Variants in TRMT2A observed in about 807,000 individuals in gnomAD.
TRMT2A encodes the protein tRNA (uracil-5-)-methyltransferase homolog A.
TRMT2A carries 60 observed loss-of-function variants against 59.3 expected under a neutral mutation model. The observed-to-expected ratio is 1.01, with a 90% CI of 0.82 to 1.26. The LOEUF (loss-of-function observed/expected upper bound fraction) is 1.26. TRMT2A is among the 50% of genes most tolerant of loss of function. The probability of loss-of-function intolerance (pLI) is 0.00; values close to 1 mark genes in which losing one functional copy is unlikely to be tolerated. For synonymous variants in TRMT2A, 403 were observed against 353.7 expected, an observed-to-expected ratio of 1.14 and a Z score of -1.56; for missense variants, 863 against 845.2, an observed-to-expected ratio of 1.02 and a Z score of -0.26.
intron 7 of TRMT2A, among the ~76,000 whole-genome samples, chr22:20,114,358 T>A (rs2049939419): frequency 6.6e-6 from 1 of 150,418 alleles, no homozygotes; most frequent in Non-Finnish European, 1.5e-5. Context: ...CTCCTCATCC[T>A]CCCTGTGACA....
Position 20,112,552 on chromosome 22 carries a change from G to A in TRMT2A, c.*11C>T. The A allele has an allele frequency of 6.2e-7, 1 of 1,611,946 alleles. No individual in the cohort carries two copies. Among genetic ancestry groups the A allele is most frequent in the Non-Finnish European group, 8.5e-7 (1 of 1,178,850 alleles). On this transcript the variant is annotated 3_prime_UTR_variant, in exon 12 of 12. Coordinates refer to ENST00000252136, the MANE Select transcript of TRMT2A (RefSeq NM_022727.6). ...GCCCTTCAGCTCCTGTCCCCATAAT[G>A]GGTCCTGGGCCTAGGATGAGGGGAA... is the stretch of plus-strand genomic sequence containing the variant.
chr22:20,116,641 T>G, intron 1 of TRMT2A, 29 bp from the exon 2 acceptor site: 1 of 1,520,926 alleles, frequency 6.6e-7, no homozygotes, highest in Non-Finnish European at 8.8e-7. Flanking sequence ...GGTGCTAGGG[T>G]GAGGACTAGG....
intron 11 of TRMT2A, 38 bp downstream of exon 11, chr22:20,112,873 C>G: frequency 6.2e-7 from 1 of 1,612,530 alleles, no homozygotes; most frequent in Non-Finnish European, 8.5e-7. Context: ...GGCTTGGTAG[C>G]AGGCCTAGCC....
rs145002400 is a variant in TRMT2A at position 20,114,263 on chromosome 22, A to G, written c.1233+311T>C. On this transcript the variant is annotated intron_variant, in intron 7 of 11. Coordinates refer to ENST00000252136, the MANE Select transcript of TRMT2A (RefSeq NM_022727.6). ...TCCTGCAGCAGTGAGCAAACAGTGA[A>G]ACAGTATTTCCCAGCCCAGAGGCCA... Among the ~76,000 whole-genome samples, 461 of 152,222 alleles carry G rather than the reference A, an allele frequency of 3.0e-3. 4 individuals carry two copies. The highest frequency in any genetic ancestry group is 0.01 in the African/African-American group (430 of 41,538).
At chr22:20,114,308 G>A (rs912390905) in intron 7 of TRMT2A, among the ~76,000 whole-genome samples, 16 of 152,298 alleles carry the variant, frequency 1.1e-4, no homozygotes, top group South Asian at 2.1e-4. Context: ...CCCTCCTGCC[G>A]AGCCCAGAGC....
chr22:20,115,327 C>CA lies in TRMT2A; in HGVS notation c.828dup (p.Asp277Ter), dbSNP rs2049976688. The CA allele has an allele frequency of 7.4e-6, 12 of 1,612,698 alleles. No individual in the cohort carries two copies. The highest frequency in any genetic ancestry group is 1.0e-5 in the Non-Finnish European group (12 of 1,180,004). ...GTGGCTTCGGGGATGTGCACGGTGT[C>CA]AAACGGGGCTGCCACAGCACACGTC... On this transcript the variant is annotated frameshift_variant, in exon 4 of 12. Transcript: ENST00000252136. LOFTEE classifies it high-confidence loss of function.
Position 20,116,248 on chromosome 22 carries a change from T to C in TRMT2A, c.389A>G (p.His130Arg), listed in dbSNP as rs2050013922. The C allele has an allele frequency of 2.5e-6, 4 of 1,612,956 alleles. No homozygotes were observed. Among genetic ancestry groups the C allele is most frequent in the Non-Finnish European group, 2.5e-6 (3 of 1,180,012 alleles). Residue 130 changes from histidine (H) to arginine (R), a missense_variant, in exon 2 of 12, where the codon CAT (histidine) becomes CGT (arginine). By Grantham distance (29) the His-to-Arg change is conservative. Coordinates refer to ENST00000252136, the MANE Select transcript of TRMT2A (RefSeq NM_022727.6). ...TGGGCGGCCTTTCCAGAGGGCACCA[T>C]GCAAAACGCGCAGGGCCTTGTCCCT... ...AERDKALRVLHGALWKGRPLS... is the reference protein window; with the variant it reads ...AERDKALRVLRGALWKGRPLS...
rs754537152 is a variant in TRMT2A at position 20,115,051 on chromosome 22, CTG to C, written c.917_918del (p.Pro306ArgfsTer34). The C allele has an allele frequency of 6.3e-7, 1 of 1,595,700 alleles. No individual in the cohort carries two copies. The highest frequency in any genetic ancestry group is 8.5e-7 in the Non-Finnish European group (1 of 1,175,102). Reference sequence around the variant, plus strand: ...TGCTTCCAGTGGCCTGTGTACGTCTCTGGGTCGTATGCCGAGTATGGAGTGGA... The same window carrying C: ...TGCTTCCAGTGGCCTGTGTACGTCTCGGTCGTATGCCGAGTATGGAGTGGA... The part of the protein sequence containing the change: ...IRSTPYSAYD[P>X]ETYTGHWKQL... On this transcript the variant is annotated frameshift_variant, in exon 5 of 12. Transcript: ENST00000252136. LOFTEE classifies it high-confidence loss of function.
rs779336438 is a variant in TRMT2A at position 20,112,534 on chromosome 22, A to G, written c.*29T>C. 6 of 1,604,754 alleles carry G rather than the reference A, an allele frequency of 3.7e-6. No homozygotes were observed. The Admixed American group carries it at 1.0e-4, about 27-fold the overall frequency. On this transcript the variant is annotated 3_prime_UTR_variant, in exon 12 of 12. Coordinates refer to ENST00000252136, the MANE Select transcript of TRMT2A (RefSeq NM_022727.6). ...GCCCCTGGGGCCCTGGGAGCCCTTC[A>G]GCTCCTGTCCCCATAATGGGTCCTG...
At position 20,113,226 on chromosome 22, in the gene TRMT2A, TACTC is replaced by T; in HGVS notation, c.1437_1440del (p.Ser480MetfsTer17). 1.9e-6 allele frequency: 3 copies of T among 1,562,944 alleles called. No individual in the cohort carries two copies. Among genetic ancestry groups the T allele is most frequent in the Non-Finnish European group, 2.6e-6 (3 of 1,155,810 alleles). ...GCCCTCCCGCAGTGGAACTCCACAT[TACTC>T]AACTCTGAAGAGATGGCACCGTGGC... is the stretch of plus-strand genomic sequence containing the variant. On this transcript the variant is annotated frameshift_variant, in exon 10 of 12. Coordinates refer to ENST00000252136, the MANE Select transcript of TRMT2A (RefSeq NM_022727.6). LOFTEE classifies it high-confidence loss of function.
Position 20,116,630 on chromosome 22 carries a change from G to A in TRMT2A, c.25-18C>T. 1 of 1,521,152 alleles carries A rather than the reference G, an allele frequency of 6.6e-7. No homozygotes were observed. The highest frequency in any genetic ancestry group is 8.8e-7 in the Non-Finnish European group (1 of 1,140,560). The allele number at this position is 1,521,152 out of a possible 1,614,324, so 94.2% of individuals were successfully genotyped here. A position where few individuals can be genotyped will look rare whatever the true frequency, so the allele number is the denominator to read the frequency against. On this transcript the variant is annotated intron_variant, in intron 1 of 11. Transcript: ENST00000252136. ...TTCGGGCCCTGTGTGGGGACAGATG[G>A]GGTGCTAGGGTGAGGACTAGGCCCT... is the stretch of plus-strand genomic sequence containing the variant.
rs949520172 is a variant in TRMT2A, at chr22:20,112,437, G to C, written c.*126C>G. On this transcript the variant is annotated 3_prime_UTR_variant, in exon 12 of 12. Transcript: ENST00000252136. ...GGCCCCTAGCAGCAGGCCAATCCTG[G>C]TGGGGCACAGGGTTCTGTGCCCTTT... 1.3e-4 allele frequency: 158 copies of C among 1,263,276 alleles called. No homozygotes were observed. The highest frequency in any genetic ancestry group is 1.7e-5 in the Non-Finnish European group (16 of 929,502). The allele number at this position is 1,263,276 out of a possible 1,614,324, so 78.3% of individuals were successfully genotyped here.
Position 20,116,554 on chromosome 22 carries a change from G to C in TRMT2A, c.83C>G (p.Thr28Ser). 2 of 1,593,308 alleles carry C rather than the reference G, an allele frequency of 1.3e-6. No homozygotes were observed. The highest frequency in any genetic ancestry group is 1.1e-5 in the South Asian group (1 of 89,344). ...QESSSALSCP[T>S]VSVPPAAPAA... Reference sequence around the variant, plus strand: ...CGGGGCTGCAGGGGGCACCGAGACGGTAGGGCAGCTCAGGGCACTGCTGCT... The same window carrying C: ...CGGGGCTGCAGGGGGCACCGAGACGCTAGGGCAGCTCAGGGCACTGCTGCT... Residue 28 changes from threonine (T) to serine (S), a missense_variant, in exon 2 of 12, where the codon ACC becomes AGC. By Grantham distance (58) the Thr-to-Ser change is moderately conservative (BLOSUM62 1). Coordinates refer to ENST00000252136, the MANE Select transcript of TRMT2A (RefSeq NM_022727.6).
chr22:20,112,905 A>C lies in TRMT2A; in HGVS notation c.1646+6T>G, dbSNP rs369267890. The C allele has an allele frequency of 6.2e-6, 10 of 1,613,490 alleles. No individual in the cohort carries two copies. In the East Asian group the frequency reaches 2.0e-4, roughly 32 times the overall value. On this transcript the variant is annotated splice_donor_region_variant and intron_variant, in intron 11 of 11. Transcript: ENST00000252136. ...AGCCCCCACCCAGGCCCCTGCAGACACTCACTCCACAAAGTTGCCCATGGC... is the reference window on the plus strand; with the variant it reads ...AGCCCCCACCCAGGCCCCTGCAGACCCTCACTCCACAAAGTTGCCCATGGC...
rs2049870379 is a variant in TRMT2A, at chr22:20,112,398, T to A, written c.*165A>T. The A allele has an allele frequency of 6.5e-6, 6 of 917,546 alleles. No individual in the cohort carries two copies. Among genetic ancestry groups the A allele is most frequent in the Admixed American group, 5.8e-5 (2 of 34,200 alleles). The allele number at this position is 917,546 out of a possible 1,614,324, so 56.8% of individuals were successfully genotyped here. A position where few individuals can be genotyped will look rare whatever the true frequency, so the allele number is the denominator to read the frequency against. ...GGCTACAGGAACCCACCTGTCTTCC[T>A]GGTCAGGGCCCCTGGCCCCTAGCAG... On this transcript the variant is annotated 3_prime_UTR_variant, in exon 12 of 12. Transcript: ENST00000252136.
At chr22:20,113,948 T>C in intron 7 of TRMT2A, 140 bp from the exon 8 acceptor site, 1 of 1,228,664 alleles carries the variant, frequency 8.1e-7, no homozygotes, top group Non-Finnish European at 1.1e-6. Context: ...ACGTCTTCCC[T>C]GACCCCACCT....
At position 20,112,701 on chromosome 22, in the gene TRMT2A, A is replaced by T. The variant is rs758828997; in HGVS notation, c.1740T>A (p.Cys580Ter). Residue 580 changes from cysteine to a stop codon, truncating the protein, a stop_gained, in exon 12 of 12, where the codon TGT (cysteine) becomes TGA (stop). Coordinates refer to ENST00000252136, the MANE Select transcript of TRMT2A (RefSeq NM_022727.6). LOFTEE classifies it low-confidence loss of function (END_TRUNC). ...AVDLFPQTPH[C>*]EMLILFERVE... is the part of the protein sequence containing the mutation. ...CCCTCTCAAACAGGATGAGCATCTC[A>T]CAGTGCGGGGTCTGCGGGAACAGGT... The T allele has an allele frequency of 3.1e-6, 5 of 1,613,892 alleles. No homozygotes were observed. The highest frequency in any genetic ancestry group is 1.1e-5 in the South Asian group (1 of 91,088).
At chr22:20,116,837 C>CG in intron 1 of TRMT2A, 46 bp downstream of exon 1, 13 of 1,551,878 alleles carry the variant, frequency 8.4e-6, no homozygotes, top group South Asian at 1.2e-5. Context: ...ACCCCGCCTC[C>CG]TCCCACCCCA....
In TRMT2A at chr22:20,114,967, G is replaced by T. The variant is rs1183620378; in HGVS notation, c.1003C>A (p.Gln335Lys). The T allele has an allele frequency of 4.4e-6, 7 of 1,589,342 alleles. No individual in the cohort carries two copies. Among genetic ancestry groups the T allele is most frequent in the Non-Finnish European group, 6.0e-6 (7 of 1,169,362 alleles). Residue 335 changes from glutamine (Q) to lysine (K), a missense_variant and splice_region_variant, in exon 5 of 12, where the codon CAG (glutamine) becomes AAG (lysine). By Grantham distance (53) the Gln-to-Lys change is moderately conservative. Transcript: ENST00000252136. ...QAMAIAYFHP[Q>K]KLSPEELAEL... ...CCCAGCAGGGCCCCCGTTGAGACCT[G>T]GGGGTGGAAGTAGGCAATGGCCATG...
Sources: gnomAD v4.1 joint callset for allele counts (sites outside exome capture counted in the v4.1 genomes callset) on GRCh38, gnomAD v4.1.1 for gene constraint, MANE v1.5 for transcripts, NCBI Gene and HGNC (gene_info 2026-07-23, HGNC 2026-07-21) for gene names.